Variants in MGMT observed in about 807,000 individuals in gnomAD.
The protein encoded by MGMT is methylated-DNA--protein-cysteine methyltransferase.
A neutral mutation model predicts 15.9 loss-of-function variants in MGMT; 14 were observed. That is an observed-to-expected ratio of 0.88 (90% CI 0.58 to 1.37). The LOEUF is 1.37. Ranked by LOEUF, MGMT falls within the 40% of genes most tolerant of loss-of-function variation. The probability of loss-of-function intolerance (pLI) is 0.00; values close to 1 mark genes in which losing one functional copy is unlikely to be tolerated. For synonymous variants in MGMT, 130 were observed against 118.2 expected (o/e 1.10, Z -0.65); for missense variants, 282 against 268.1 (o/e 1.05, Z -0.36).
intron 2 of MGMT, among the ~76,000 whole-genome samples, chr10:129,696,299 C>A (rs897182358): frequency 2.8e-5 from 4 of 141,698 alleles, no homozygotes; most frequent in African/African-American, 1.1e-4. Context: ...TTCATCTCAT[C>A]ATGAAGTCGA....
intron 1 of MGMT, among the ~76,000 whole-genome samples, chr10:129,508,715 T>C (rs1845650585): frequency 6.6e-6 from 1 of 152,110 alleles, no homozygotes; most frequent in African/African-American, 2.4e-5. Flanking sequence ...CGGCTGACTT[T>C]TTGTATTTTT....
intron 2 of MGMT, among the ~76,000 whole-genome samples, chr10:129,633,973 C>T (rs1462651034): frequency 1.3e-5 from 2 of 152,172 alleles, no homozygotes; most frequent in Non-Finnish European, 2.9e-5. Context: ...GATCCATTTC[C>T]ACCTGGCATC....
rs1406472548 is a variant in MGMT, at chr10:129,737,313, A to G, written c.275-21889A>G. On this transcript the variant is annotated intron_variant, in intron 3 of 4. Transcript: ENST00000651593. ...CTTCATTTCATTCATTTCATCTTCC[A>G]TCGCTGATACCCTTTCTTCCAGTTG... Among the ~76,000 whole-genome samples the G allele has an allele frequency of 2.0e-5, 3 of 151,960 alleles. 1 individual carries two copies. The South Asian group carries it at 6.2e-4, about 32-fold the overall frequency.
At chr10:129,633,438 CT>C (rs1847233381) in intron 2 of MGMT, among the ~76,000 whole-genome samples, 2 of 152,206 alleles carry the variant, frequency 1.3e-5, no homozygotes, top group African/African-American at 4.8e-5. Context: ...TGAGAAAAAG[CT>C]TGAAGTGAAT....
At chr10:129,512,472 C>T (rs931883835) in intron 1 of MGMT, among the ~76,000 whole-genome samples, 4 of 152,156 alleles carry the variant, frequency 2.6e-5, no homozygotes, top group East Asian at 1.9e-4. Flanking sequence ...GTGACTTCCC[C>T]ACACCAGGTC....
In MGMT at chr10:129,706,171, T is replaced by C. The variant is rs574640593; in HGVS notation, c.126-1724T>C. 4.6e-5 allele frequency among the ~76,000 whole-genome samples: 7 copies of C among 152,318 alleles called. No individual in the cohort carries two copies. In the South Asian group the frequency reaches 8.3e-4, roughly 18 times the overall value. On this transcript the variant is annotated intron_variant, in intron 2 of 4. Transcript: ENST00000651593. The stretch of plus-strand genomic sequence containing the variant: ...CACGCACAGTCCTTGCCCACCTTTC[T>C]GTGAGTCTCAGTCCCCGAGGCCTCC...
At chr10:129,727,284 G>C (rs1848445155) in intron 3 of MGMT, among the ~76,000 whole-genome samples, 1 of 152,240 alleles carries the variant, frequency 6.6e-6, no homozygotes, top group African/African-American at 2.4e-5. Context: ...GTCACCTGCT[G>C]TGAGGGCAGC....
chr10:129,493,784 G>A (rs1032261891), intron 1 of MGMT, among the ~76,000 whole-genome samples: 1 of 152,104 alleles, frequency 6.6e-6, no homozygotes, highest in African/African-American at 2.4e-5. Flanking sequence ...CCTTCAATCT[G>A]GGAAGCAGCC....
At chr10:129,562,475 C>T (rs560405550) in intron 2 of MGMT, among the ~76,000 whole-genome samples, 1 of 152,344 alleles carries the variant, frequency 6.6e-6, no homozygotes, top group East Asian at 1.9e-4. Context: ...CCTGGAATAA[C>T]TGCATTAAAT....
At chr10:129,534,033 C>A (rs147640193) in intron 1 of MGMT, among the ~76,000 whole-genome samples, 1 of 152,272 alleles carries the variant, frequency 6.6e-6, no homozygotes, top group African/African-American at 2.4e-5. Flanking sequence ...CCTACAGAGC[C>A]TTTGGGAAGC....
In MGMT at chr10:129,575,012, T is replaced by A. The variant is rs576317338; in HGVS notation, c.125+38635T>A. Among the ~76,000 whole-genome samples, 3 of 152,196 alleles carry A rather than the reference T, an allele frequency of 2.0e-5. No individual in the cohort carries two copies. In the East Asian group the frequency reaches 5.8e-4, roughly 29 times the overall value. The stretch of plus-strand genomic sequence containing the variant: ...GCAACTGCCTGGCCGCTGTGTGATC[T>A]CCACACAGCATCAAACCTTGCAGAG... On this transcript the variant is annotated intron_variant, in intron 2 of 4. Coordinates refer to ENST00000651593, the MANE Select transcript of MGMT (RefSeq NM_002412.5).
chr10:129,680,267 A>G (rs1387762931), intron 2 of MGMT, among the ~76,000 whole-genome samples: 2 of 152,108 alleles, frequency 1.3e-5, no homozygotes, highest in Non-Finnish European at 2.9e-5. Flanking sequence ...GCTAGTTAAA[A>G]TCTCCTGGCA....
chr10:129,651,190 G>A (rs913649918), intron 2 of MGMT, among the ~76,000 whole-genome samples: 9 of 152,106 alleles, frequency 5.9e-5, no homozygotes, highest in African/African-American at 1.9e-4. Context: ...AGTGGGCCCC[G>A]ACCCGGAGGC....
chr10:129,632,699 G>GT (rs1847224313), intron 2 of MGMT, among the ~76,000 whole-genome samples: 1 of 152,184 alleles, frequency 6.6e-6, no homozygotes, highest in Non-Finnish European at 1.5e-5. Context: ...ACCTGCTGGA[G>GT]TTTGGGGGAG....
intron 2 of MGMT, among the ~76,000 whole-genome samples, chr10:129,573,427 C>A (rs1846442614): frequency 6.6e-6 from 1 of 152,076 alleles, no homozygotes; most frequent in African/African-American, 2.4e-5. Context: ...TAACATTGGT[C>A]CATTGTGGTC....
intron 1 of MGMT, among the ~76,000 whole-genome samples, chr10:129,492,102 G>C (rs912226494): frequency 6.6e-6 from 1 of 152,148 alleles, no homozygotes; most frequent in African/African-American, 2.4e-5. Context: ...CTTTGCCCTT[G>C]GTTAGGCATA....
chr10:129,749,410 C>T (rs1406635233), intron 3 of MGMT, among the ~76,000 whole-genome samples: 1 of 152,150 alleles, frequency 6.6e-6, no homozygotes, highest in Non-Finnish European at 1.5e-5. Flanking sequence ...CGGCTGGCTT[C>T]CTTTGCTTAG....
At position 129,515,565 on chromosome 10, in the gene MGMT, T is replaced by G. The variant is rs1031091798; in HGVS notation, c.-12-20676T>G. On this transcript the variant is annotated intron_variant, in intron 1 of 4. Coordinates refer to ENST00000651593, the MANE Select transcript of MGMT (RefSeq NM_002412.5). Reference sequence around the variant, plus strand: ...AAGCTCCAGTCCCCTAGATACAGAGTGTATTGCGGATATTTATCCCTTCCT... The same window carrying G: ...AAGCTCCAGTCCCCTAGATACAGAGGGTATTGCGGATATTTATCCCTTCCT... Among the ~76,000 whole-genome samples, 4 of 152,038 alleles carry G rather than the reference T, an allele frequency of 2.6e-5. No homozygotes were observed. In the East Asian group the frequency reaches 7.7e-4, roughly 29 times the overall value.
intron 1 of MGMT, among the ~76,000 whole-genome samples, chr10:129,475,647 C>T (rs529942188): frequency 1.2e-4 from 18 of 152,112 alleles, no homozygotes; most frequent in South Asian, 4.2e-4. Context: ...GGGTGCGGGC[C>T]GATCAGCACA....
Sources: gnomAD v4.1 joint callset for allele counts (sites outside exome capture counted in the v4.1 genomes callset) on GRCh38, gnomAD v4.1.1 for gene constraint, MANE v1.5 for transcripts, NCBI Gene and HGNC (gene_info 2026-07-23, HGNC 2026-07-21) for gene names.